The following ZNF207 variants were observed in gnomAD, a reference collection of about 807,000 sequenced individuals.
ZNF207 encodes the protein BUB3-interacting and GLEBS motif-containing protein ZNF207.
ZNF207 carries 24 observed loss-of-function variants against 60.2 expected under a neutral mutation model. The ratio of observed to expected loss-of-function variants is 0.40; its 90% CI spans 0.29 to 0.56. The LOEUF (loss-of-function observed/expected upper bound fraction) is 0.56. Among genes scored for constraint, ZNF207 ranks in the 20% least tolerant of loss-of-function variants. The probability of loss-of-function intolerance (pLI) is 0.49; values close to 1 mark genes in which losing one functional copy is unlikely to be tolerated. For missense variants in ZNF207, 452 were observed against 636.6 expected, an observed-to-expected ratio of 0.71 and a Z score of 3.12; for synonymous variants, 236 against 194.7, an observed-to-expected ratio of 1.21 and a Z score of -1.77.
In ZNF207 at chr17:32,380,976, GAAA is replaced by G. The variant is rs1905860908; in HGVS notation, c.*11220_*11222del. On this transcript the variant is annotated 3_prime_UTR_variant, in exon 12 of 12. Coordinates refer to ENST00000394670, the MANE Select transcript of ZNF207 (RefSeq NM_001098507.2). ...CGTCTCAAAAAAAAAAAGAAAAAAA[GAAA>G]AAGTGATAAGATTTGGGAGTCTATT... The G allele has an allele frequency of 6.6e-6, 1 of 151,800 alleles. No homozygotes were observed. Among genetic ancestry groups the G allele is most frequent in the Non-Finnish European group, 1.5e-5 (1 of 67,940 alleles). 9.4% of individuals were successfully genotyped at this position (151,800 alleles called of 1,614,324 possible). A position where few individuals can be genotyped will look rare whatever the true frequency, so the allele number is the denominator to read the frequency against.
chr17:32,357,324 A>T, intron 2 of ZNF207, among the ~76,000 whole-genome samples: 1 of 53,926 alleles, frequency 1.9e-5, no homozygotes, highest in Non-Finnish European at 3.5e-5. Flanking sequence ...TATTATTATT[A>T]TTATTATTAT....
Position 32,373,990 on chromosome 17 carries a change from G to T in ZNF207, c.*4231G>T. On this transcript the variant is annotated 3_prime_UTR_variant, in exon 12 of 12. Transcript: ENST00000394670. ...CGGTTCACTGCAACCTCTGCCTCCC[G>T]GATTCAAGTGATTCTCCTGCCTCAG... The T allele has an allele frequency of 6.6e-6, 1 of 152,234 alleles. No homozygotes were observed. Among genetic ancestry groups the T allele is most frequent in the Non-Finnish European group, 1.5e-5 (1 of 68,100 alleles). The allele number at this position is 152,234 out of a possible 1,614,324, so 9.4% of individuals were successfully genotyped here.
rs895603593 is a variant in ZNF207 at position 32,371,872 on chromosome 17, C to G, written c.*2113C>G. ...TAATGTATTTCTTTCTGCCAGCAGC[C>G]AAGTCCCAAACCACTTTCCCCTCTG... On this transcript the variant is annotated 3_prime_UTR_variant, in exon 12 of 12. Transcript: ENST00000394670. 2 of 152,160 alleles carry G rather than the reference C, an allele frequency of 1.3e-5. No homozygotes were observed. Among genetic ancestry groups the G allele is most frequent in the Non-Finnish European group, 2.9e-5 (2 of 68,048 alleles). The allele number at this position is 152,160 out of a possible 1,614,324, so 9.4% of individuals were successfully genotyped here. A position where few individuals can be genotyped will look rare whatever the true frequency, so the allele number is the denominator to read the frequency against.
chr17:32,361,064 T>C lies in ZNF207; in HGVS notation c.551+97T>C, dbSNP rs891321816. 4 of 1,362,136 alleles carry C rather than the reference T, an allele frequency of 2.9e-6. No homozygotes were observed. The African/African-American group carries it at 5.8e-5, about 20-fold the overall frequency. 84.4% of individuals were successfully genotyped at this position (1,362,136 alleles called of 1,614,324 possible). A position where few individuals can be genotyped will look rare whatever the true frequency, so the allele number is the denominator to read the frequency against. ...GAATGAAATGTTACTTTCCATTTTT[T>C]GCTTCTAGAAGGTATGGGCTCTATA... On this transcript the variant is annotated intron_variant, in intron 5 of 11. Transcript: ENST00000394670.
chr17:32,359,322 A>G (rs1209751467), intron 3 of ZNF207, among the ~76,000 whole-genome samples: 1 of 152,132 alleles, frequency 6.6e-6, no homozygotes, highest in African/African-American at 2.4e-5. Flanking sequence ...CATGTTGGTC[A>G]GGCTGGTCTT....
chr17:32,367,255 A>ATG lies in ZNF207; in HGVS notation c.921+499_921+500insGT, dbSNP rs1242356553. ...TGGAGGGGATTATATATATATATAT[A>ATG]TATATATATATATATATATATATAT... On this transcript the variant is annotated intron_variant, in intron 9 of 11. Transcript: ENST00000394670. Among the ~76,000 whole-genome samples the ATG allele has an allele frequency of 1.4e-4, 10 of 70,930 alleles. 1 individual carries two copies. The highest frequency in any genetic ancestry group is 2.9e-4 in the Non-Finnish European group (9 of 31,034). The allele number at this position is 70,930 out of a possible 152,430, so 46.5% of individuals were successfully genotyped here.
chr17:32,362,645 TGA>T, intron 6 of ZNF207: 1 of 323,956 alleles, frequency 3.1e-6, no homozygotes, highest in Non-Finnish European at 5.6e-6. Context: ...TTGTACATAT[TGA>T]GAGTATATTT....
chr17:32,362,794 A>G (rs943352346), intron 6 of ZNF207, 120 bp from the exon 7 acceptor site: 122 of 650,724 alleles, frequency 1.9e-4, no homozygotes, highest in Non-Finnish European at 3.0e-4. Context: ...GATTCATTTC[A>G]GTATTAGAGG....
chr17:32,371,571 A>C lies in ZNF207; in HGVS notation c.*1812A>C, dbSNP rs959708679. Reference sequence around the variant, plus strand: ...TGAGACCAGCCTGGCCAACATGGCAAAACCCCATCTGTACAAAACATTTAA... The same window carrying C: ...TGAGACCAGCCTGGCCAACATGGCACAACCCCATCTGTACAAAACATTTAA... On this transcript the variant is annotated 3_prime_UTR_variant, in exon 12 of 12. Coordinates refer to ENST00000394670, the MANE Select transcript of ZNF207 (RefSeq NM_001098507.2). The C allele has an allele frequency of 1.3e-5, 2 of 152,116 alleles. No homozygotes were observed. Among genetic ancestry groups the C allele is most frequent in the Non-Finnish European group, 2.9e-5 (2 of 68,100 alleles). The allele number at this position is 152,116 out of a possible 1,614,324, so 9.4% of individuals were successfully genotyped here. A position where few individuals can be genotyped will look rare whatever the true frequency, so the allele number is the denominator to read the frequency against.
chr17:32,373,318 T>TAAA lies in ZNF207; in HGVS notation c.*3568_*3570dup. ...TTGCTTGCTTGATCATTGGGATTTT[T>TAAA]AAAAAAAAAAATTTTAATGCATGTC... On this transcript the variant is annotated 3_prime_UTR_variant, in exon 12 of 12. Coordinates refer to ENST00000394670, the MANE Select transcript of ZNF207 (RefSeq NM_001098507.2). The TAAA allele has an allele frequency of 1.8e-6, 1 of 552,350 alleles. No individual in the cohort carries two copies. The highest frequency in any genetic ancestry group is 3.3e-6 in the Non-Finnish European group (1 of 304,954). The allele number at this position is 552,350 out of a possible 1,614,324, so 34.2% of individuals were successfully genotyped here. A position where few individuals can be genotyped will look rare whatever the true frequency, so the allele number is the denominator to read the frequency against.
At chr17:32,351,551 GAT>G (rs1171340627) in intron 1 of ZNF207, 1 of 1,530,462 alleles carries the variant, frequency 6.5e-7, no homozygotes, top group Admixed American at 2.0e-5. Context: ...GTATATTGCT[GAT>G]TATTGAGATG....
At chr17:32,353,811 CAAAAAA>C (rs536502166) in intron 2 of ZNF207, among the ~76,000 whole-genome samples, 9 of 110,530 alleles carry the variant, frequency 8.1e-5, no homozygotes, top group South Asian at 3.3e-4. Context: ...ACTCTGTCTC[CAAAAAA>C]AAAAAAAAAA....
chr17:32,360,185 C>CCA (rs1904782329), intron 3 of ZNF207, among the ~76,000 whole-genome samples: 1 of 109,176 alleles, frequency 9.2e-6, no homozygotes, highest in Non-Finnish European at 2.0e-5. Context: ...TACCCCCCCC[C>CCA]CAAAAAAAAA....
chr17:32,378,713 A>G lies in ZNF207; in HGVS notation c.*8954A>G, dbSNP rs1349564009. 1 of 151,724 alleles carries G rather than the reference A, an allele frequency of 6.6e-6. No homozygotes were observed. The highest frequency in any genetic ancestry group is 1.5e-5 in the Non-Finnish European group (1 of 67,844). 9.4% of individuals were successfully genotyped at this position (151,724 alleles called of 1,614,324 possible). On this transcript the variant is annotated 3_prime_UTR_variant, in exon 12 of 12. Transcript: ENST00000394670. Reference sequence around the variant, plus strand: ...AACATTTTTATTTTTTTTTTATTCTACCCGAGTTCATTGTTGTTTGAACCA... The same window carrying G: ...AACATTTTTATTTTTTTTTTATTCTGCCCGAGTTCATTGTTGTTTGAACCA...
At chr17:32,362,872 T>A in intron 6 of ZNF207, 42 bp from the exon 7 acceptor site, 3 of 1,562,700 alleles carry the variant, frequency 1.9e-6, no homozygotes, top group Non-Finnish European at 2.6e-6. Flanking sequence ...TGGTTTATGC[T>A]GTTCATTAAC....
Position 32,373,676 on chromosome 17 carries a change from G to C in ZNF207, c.*3917G>C, listed in dbSNP as rs918060134. 1 of 358,878 alleles carries C rather than the reference G, an allele frequency of 2.8e-6. No individual in the cohort carries two copies. Among genetic ancestry groups the C allele is most frequent in the Non-Finnish European group, 4.9e-6 (1 of 202,878 alleles). The allele number at this position is 358,878 out of a possible 1,614,324, so 22.2% of individuals were successfully genotyped here. The stretch of plus-strand genomic sequence containing the variant: ...CATATGCAATTTTATGTAATTTGCT[G>C]TGTGTTACATAATTAACAGCTTCAG... On this transcript the variant is annotated 3_prime_UTR_variant, in exon 12 of 12. Coordinates refer to ENST00000394670, the MANE Select transcript of ZNF207 (RefSeq NM_001098507.2).
chr17:32,357,596 C>T (rs1354254596), intron 2 of ZNF207, among the ~76,000 whole-genome samples: 4 of 151,860 alleles, frequency 2.6e-5, no homozygotes, highest in Admixed American at 6.6e-5. Context: ...ATCCGCCCGC[C>T]TCGGCCTCCC....
At chr17:32,368,289 T>C (rs935983092) in intron 10 of ZNF207, 4 of 430,078 alleles carry the variant, frequency 9.3e-6, no homozygotes, top group Non-Finnish European at 1.7e-5. Flanking sequence ...TTAAAAATCA[T>C]TTTAGTTAAA....
At position 32,375,419 on chromosome 17, in the gene ZNF207, C is replaced by T. The variant is rs1050846281; in HGVS notation, c.*5660C>T. ...AATTGAAAAAAGTGTGCTGGAAATA[C>T]AGGCTCTTATCTGGTTGAGTACTGG... On this transcript the variant is annotated 3_prime_UTR_variant, in exon 12 of 12. Coordinates refer to ENST00000394670, the MANE Select transcript of ZNF207 (RefSeq NM_001098507.2). 6.6e-6 allele frequency: 1 copy of T among 152,114 alleles called. No individual in the cohort carries two copies. Among genetic ancestry groups the T allele is most frequent in the Non-Finnish European group, 1.5e-5 (1 of 67,978 alleles). The allele number at this position is 152,114 out of a possible 1,614,324, so 9.4% of individuals were successfully genotyped here. A position where few individuals can be genotyped will look rare whatever the true frequency, so the allele number is the denominator to read the frequency against.
Sources: allele counts gnomAD v4.1 joint callset (sites outside exome capture counted in the v4.1 genomes callset), GRCh38; gene constraint gnomAD v4.1.1; transcripts MANE v1.5; gene names NCBI Gene and HGNC (gene_info 2026-07-23, HGNC 2026-07-21).